ASTN1: variants seen among roughly 807,000 people sequenced by gnomAD.
ASTN1 encodes the protein astrotactin-1.
In ASTN1, 41 loss-of-function variants were observed where a neutral mutation model predicts 140.7. The ratio of observed to expected loss-of-function variants is 0.29; its 90% CI spans 0.23 to 0.38. The LOEUF (loss-of-function observed/expected upper bound fraction) is 0.38. Among genes scored for constraint, ASTN1 ranks in the 10% least tolerant of loss-of-function variants. ASTN1 has a pLI of 1.00. For synonymous variants in ASTN1, 640 were observed against 652.2 expected, an observed-to-expected ratio of 0.98 and a Z score of 0.29; for missense variants, 1,479 against 1,678.8, an observed-to-expected ratio of 0.88 and a Z score of 2.08.
chr1:177,119,007 T>C (rs1313354978), intron 1 of ASTN1, among the ~76,000 whole-genome samples: 1 of 152,200 alleles, frequency 6.6e-6, no homozygotes, highest in Non-Finnish European at 1.5e-5. Flanking sequence ...CCTGGAAAAC[T>C]CCTACTCACT....
rs768685621 is a variant in ASTN1 at position 176,934,279 on chromosome 1, C to T, written c.2544G>A (p.Leu848=). The change falls in exon 16 of 23, where the codon CTG becomes CTA. Residue 848 remains leucine (L), a synonymous_variant. Coordinates refer to ENST00000361833, the MANE Select transcript of ASTN1 (RefSeq NM_004319.3). ...GATSRADFVA[L]LDQFGNHYIQ... Reference sequence around the variant, plus strand: ...TGTAATGGTTGCCGAACTGGTCCAACAGCGCCACAAAATCTGCACGAGATG... The same window carrying T: ...TGTAATGGTTGCCGAACTGGTCCAATAGCGCCACAAAATCTGCACGAGATG... The T allele has an allele frequency of 3.7e-6, 6 of 1,613,920 alleles. No homozygotes were observed. The highest frequency in any genetic ancestry group is 5.1e-6 in the Non-Finnish European group (6 of 1,179,944).
chr1:177,030,962 GA>G lies in ASTN1; in HGVS notation c.866-11del. The G allele has an allele frequency of 6.2e-7, 1 of 1,604,442 alleles. No individual in the cohort carries two copies. Among genetic ancestry groups the G allele is most frequent in the Non-Finnish European group, 8.5e-7 (1 of 1,174,628 alleles). ...TTGGCATTGTCACTTCCTGTATAAG[GA>G]AAAGACGAGGCAAAAACTTTAAGAG... On this transcript the variant is annotated splice_polypyrimidine_tract_variant and intron_variant, in intron 3 of 22. Coordinates refer to ENST00000361833, the MANE Select transcript of ASTN1 (RefSeq NM_004319.3).
intron 16 of ASTN1, among the ~76,000 whole-genome samples, chr1:176,913,137 A>T (rs192771717): frequency 2.0e-5 from 3 of 152,220 alleles, no homozygotes; most frequent in Admixed American, 1.3e-4. Context: ...ATTCTCTCTT[A>T]CTTGGCTTCC....
At position 176,934,270 on chromosome 1, in the gene ASTN1, C is replaced by T. The variant is rs779929552; in HGVS notation, c.2553G>A (p.Gln851=). The T allele has an allele frequency of 1.2e-6, 2 of 1,613,914 alleles. No individual in the cohort carries two copies. The highest frequency in any genetic ancestry group is 2.2e-5 in the East Asian group (1 of 44,888). Residue 851 remains glutamine (Q), a synonymous_variant, in exon 16 of 23, where the codon CAG becomes CAA. Coordinates refer to ENST00000361833, the MANE Select transcript of ASTN1 (RefSeq NM_004319.3). ...SRADFVALLD[Q]FGNHYIQEAI... ...CTTCCTGGATGTAATGGTTGCCGAA[C>T]TGGTCCAACAGCGCCACAAAATCTG...
intron 1 of ASTN1, among the ~76,000 whole-genome samples, chr1:177,126,169 C>T (rs1681636430): frequency 1.3e-5 from 2 of 152,148 alleles, no homozygotes; most frequent in South Asian, 4.1e-4. Context: ...TCACCATCAT[C>T]ATCATTATCC....
At chr1:176,962,805 T>C (rs532215365) in intron 9 of ASTN1, among the ~76,000 whole-genome samples, 14 of 152,304 alleles carry the variant, frequency 9.2e-5, no homozygotes, top group African/African-American at 2.2e-4. Context: ...TTAAAGCACA[T>C]TGGGGACTCT....
chr1:177,041,058 G>A (rs1024484483), intron 2 of ASTN1, among the ~76,000 whole-genome samples: 1 of 152,152 alleles, frequency 6.6e-6, no homozygotes, highest in Non-Finnish European at 1.5e-5. Context: ...GTTACCTGTT[G>A]TTTGCCTTAA....
intron 1 of ASTN1, among the ~76,000 whole-genome samples, chr1:177,134,043 C>T (rs780486112): frequency 1.3e-5 from 2 of 152,202 alleles, no homozygotes; most frequent in Non-Finnish European, 2.9e-5. Context: ...TTGCAAATAA[C>T]AGCAGCAGAA....
chr1:177,073,520 C>A (rs1678745394), intron 1 of ASTN1, among the ~76,000 whole-genome samples: 1 of 149,988 alleles, frequency 6.7e-6, no homozygotes, highest in African/African-American at 2.5e-5. Context: ...CTCTCTTAGT[C>A]TGCCTTGTAT....
chr1:177,135,692 G>T (rs1682162965), intron 1 of ASTN1, among the ~76,000 whole-genome samples: 2 of 152,174 alleles, frequency 1.3e-5, no homozygotes, highest in Non-Finnish European at 2.9e-5. Context: ...GACTGCTCTA[G>T]AGTCTCCAGG....
intron 16 of ASTN1, among the ~76,000 whole-genome samples, chr1:176,905,810 C>G (rs1341840171): frequency 6.6e-6 from 1 of 152,214 alleles, no homozygotes; most frequent in African/African-American, 2.4e-5. Context: ...AGCTGCCTCT[C>G]CCAGCCTTAA....
Position 176,946,143 on chromosome 1 carries a change from A to C in ASTN1, c.2055-23T>G. 3 of 1,525,886 alleles carry C rather than the reference A, an allele frequency of 2.0e-6. 1 individual carries two copies. The highest frequency in any genetic ancestry group is 2.7e-6 in the Non-Finnish European group (3 of 1,124,582). 94.5% of individuals were successfully genotyped at this position (1,525,886 alleles called of 1,614,324 possible). ...CACCTAGCACAGAGGAGAGCTCAAT[A>C]TAAGAAGTTATTCCATCAATGACCC... On this transcript the variant is annotated intron_variant, in intron 12 of 22. Coordinates refer to ENST00000361833, the MANE Select transcript of ASTN1 (RefSeq NM_004319.3).
At chr1:177,051,456 T>C (rs1459295470) in intron 2 of ASTN1, among the ~76,000 whole-genome samples, 2 of 152,206 alleles carry the variant, frequency 1.3e-5, no homozygotes, top group African/African-American at 4.8e-5. Flanking sequence ...AAGAGATGAA[T>C]AGTTGAAAAA....
In ASTN1 at chr1:177,149,208, G is replaced by A. The variant is rs184458852; in HGVS notation, c.283+15186C>T. ...TATATATATAGTAAATATATATAGT[G>A]TATATATAGTAAATATATATAGTAA... On this transcript the variant is annotated intron_variant, in intron 1 of 22. Coordinates refer to ENST00000361833, the MANE Select transcript of ASTN1 (RefSeq NM_004319.3). Among the ~76,000 whole-genome samples, 337 of 93,408 alleles carry A rather than the reference G, an allele frequency of 3.6e-3. 2 individuals carry two copies. Among genetic ancestry groups the A allele is most frequent in the African/African-American group, 5.8e-3 (102 of 17,696 alleles). 61.3% of individuals were successfully genotyped at this position (93,408 alleles called of 152,430 possible).
chr1:176,890,988 C>T (rs986970071), intron 17 of ASTN1, among the ~76,000 whole-genome samples: 2 of 151,956 alleles, frequency 1.3e-5, no homozygotes, highest in African/African-American at 2.4e-5. Context: ...GATCATACCA[C>T]TGTACTCCGG....
chr1:176,972,622 C>T (rs1673187285), intron 8 of ASTN1, among the ~76,000 whole-genome samples: 1 of 152,066 alleles, frequency 6.6e-6, no homozygotes, highest in Admixed American at 6.6e-5. Flanking sequence ...CCTGTGCTCT[C>T]CAAAGTGCTG....
intron 1 of ASTN1, among the ~76,000 whole-genome samples, chr1:177,131,897 T>G (rs1437805382): frequency 6.6e-6 from 1 of 152,110 alleles, no homozygotes; most frequent in Non-Finnish European, 1.5e-5. Context: ...AGGCTCTTTT[T>G]AACAATCAGC....
intron 16 of ASTN1, among the ~76,000 whole-genome samples, chr1:176,899,064 A>C (rs1382858810): frequency 6.6e-6 from 1 of 152,220 alleles, no homozygotes; most frequent in Non-Finnish European, 1.5e-5. Context: ...AGGACACTTC[A>C]GTTTCTTACA....
At chr1:177,046,994 G>A (rs1250681520) in intron 2 of ASTN1, among the ~76,000 whole-genome samples, 1 of 152,176 alleles carries the variant, frequency 6.6e-6, no homozygotes, top group Non-Finnish European at 1.5e-5. Flanking sequence ...AGCCTTCCTT[G>A]CAAGGTTGTC....
Sources: gnomAD v4.1 joint callset for allele counts (sites outside exome capture counted in the v4.1 genomes callset) on GRCh38, gnomAD v4.1.1 for gene constraint, MANE v1.5 for transcripts, NCBI Gene and HGNC (gene_info 2026-07-23, HGNC 2026-07-21) for gene names.